The following PCDHGB2 variants were observed in gnomAD, a reference collection of about 807,000 sequenced individuals.
PCDHGB2 encodes the protein protocadherin gamma subfamily B, 2, also known as protocadherin gamma-B2.
PCDHGB2 carries 55 observed loss-of-function variants against 59.3 expected under a neutral mutation model. That is an observed-to-expected ratio of 0.93 (90% CI 0.75 to 1.16). The LOEUF (loss-of-function observed/expected upper bound fraction) is 1.16, where lower values mean the gene tolerates loss of function less well. PCDHGB2 is among the 50% of genes most tolerant of loss of function. The pLI is 0.00. For missense variants in PCDHGB2, 1,228 were observed against 1,198.5 expected (o/e 1.02, Z -0.36); for synonymous variants, 516 against 512.0 (o/e 1.01, Z -0.11).
At position 141,410,774 on chromosome 5, in the gene PCDHGB2, C is replaced by T; in HGVS notation, c.2421+48218C>T. 4 of 955,126 alleles carry T rather than the reference C, an allele frequency of 4.2e-6. No individual in the cohort carries two copies. The South Asian group carries it at 6.1e-5, about 15-fold the overall frequency. The allele number at this position is 955,126 out of a possible 1,614,324, so 59.2% of individuals were successfully genotyped here. ...AATGTTTTTTCAATTATAGTTTTCA[C>T]TATGTATTTGGTTCATAAGTTGCTC... On this transcript the variant is annotated intron_variant, in intron 1 of 3. Coordinates refer to ENST00000522605, the MANE Select transcript of PCDHGB2 (RefSeq NM_018923.3).
Position 141,362,177 on chromosome 5 carries a change from C to T in PCDHGB2, c.2042C>T (p.Pro681Leu), listed in dbSNP as rs757621451. Residue 681 changes from proline to leucine, a missense_variant, in exon 1 of 4, where the codon CCC (proline) becomes CTC (leucine). By Grantham distance (98) the Pro-to-Leu change is moderately conservative. This residue lies in a region of PCDHGB2 where 433 missense variants were observed against 441.8 expected (regional missense o/e 0.98). Coordinates refer to ENST00000522605, the MANE Select transcript of PCDHGB2 (RefSeq NM_018923.3). ...CCAGACCTCAGCGACCGCCGGGAGC[C>T]CTCTGACCCCCAGGCAAAACTGCAG... is the stretch of plus-strand genomic sequence containing the variant. ...VLPDLSDRRE[P>L]SDPQAKLQFY... is the part of the protein sequence containing the mutation. 1.9e-6 allele frequency: 3 copies of T among 1,613,916 alleles called. No individual in the cohort carries two copies. The highest frequency in any genetic ancestry group is 2.5e-6 in the Non-Finnish European group (3 of 1,179,914).
chr5:141,394,795 C>T (rs543209610), intron 1 of PCDHGB2: 1 of 1,613,676 alleles, frequency 6.2e-7, no homozygotes, highest in Non-Finnish European at 8.5e-7. Context: ...GTCACGCTCA[C>T]CGTAGCCGTG....
Position 141,421,984 on chromosome 5 carries a change from C to G in PCDHGB2, c.2421+59428C>G, listed in dbSNP as rs201871921. On this transcript the variant is annotated intron_variant, in intron 1 of 3. Transcript: ENST00000522605. ...ACAGTCCGTATATCGCGTGAGTGTT[C>G]CAGAAAACATCAGCTCCGGAACTCG... 21 of 1,608,770 alleles carry G rather than the reference C, an allele frequency of 1.3e-5. No homozygotes were observed. In the Admixed American group the frequency reaches 2.4e-4, roughly 18 times the overall value.
intron 1 of PCDHGB2, among the ~76,000 whole-genome samples, chr5:141,402,461 C>T (rs892900332): frequency 6.6e-6 from 1 of 151,994 alleles, no homozygotes; most frequent in Non-Finnish European, 1.5e-5. Context: ...GTTTACATAT[C>T]TAGAAATAGA....
At chr5:141,469,629 C>T (rs933972587) in intron 1 of PCDHGB2, among the ~76,000 whole-genome samples, 1 of 152,070 alleles carries the variant, frequency 6.6e-6, no homozygotes, top group Admixed American at 6.6e-5. Context: ...GTTTGTAGTT[C>T]CAAAATATTT....
Position 141,361,662 on chromosome 5 carries a change from G to A in PCDHGB2, c.1527G>A (p.Ala509=), listed in dbSNP as rs377204571. The change falls in exon 1 of 4, where the codon GCG becomes GCA. Residue 509 remains alanine, a synonymous_variant. Coordinates refer to ENST00000522605, the MANE Select transcript of PCDHGB2 (RefSeq NM_018923.3). ...TTTTATCCTACGTGTCCGTGAGCGC[G>A]CAGAGCGGGGTGGTGTTCGCGCAGC... ...REILSYVSVS[A]QSGVVFAQRA... is the part of the protein sequence containing the mutation. The A allele has an allele frequency of 1.9e-6, 3 of 1,613,714 alleles. No individual in the cohort carries two copies. The highest frequency in any genetic ancestry group is 2.5e-6 in the Non-Finnish European group (3 of 1,179,904).
At position 141,423,255 on chromosome 5, in the gene PCDHGB2, C is replaced by T. The variant is rs368969800; in HGVS notation, c.2421+60699C>T. ...GCATCCCCGAAGTCCTGGCGGACCT[C>T]GGCAGCCTCGAGTCTCTGGCTAACT... On this transcript the variant is annotated intron_variant, in intron 1 of 3. Transcript: ENST00000522605. 2.0e-5 allele frequency: 33 copies of T among 1,613,930 alleles called. No homozygotes were observed. In the East Asian group the frequency reaches 3.8e-4, roughly 19 times the overall value.
chr5:141,389,894 G>A (rs754241365), intron 1 of PCDHGB2: 56 of 1,613,970 alleles, frequency 3.5e-5, no homozygotes, highest in Non-Finnish European at 4.7e-5. Flanking sequence ...AGGAGGTGCT[G>A]CCGGATATCA....
At chr5:141,377,317 T>C (rs1355098405) in intron 1 of PCDHGB2, 3 of 152,140 alleles carry the variant, frequency 2.0e-5, no homozygotes, top group African/African-American at 7.2e-5. Context: ...GATCAAGATC[T>C]TGGTTTTAGC....
intron 1 of PCDHGB2, chr5:141,407,933 TG>T: frequency 2.0e-6 from 1 of 505,054 alleles, no homozygotes; most frequent in Non-Finnish European, 3.4e-6. Flanking sequence ...ACGGAGCCTC[TG>T]GGCGCCGCTG....
rs746838072 is a variant in PCDHGB2 at position 141,486,116 on chromosome 5, T to A, written c.2422-8691T>A. ...GCCCCTAGACTTTGAGAGTGAGAATTACTATGAATTTGATGTGCGGGCTCG... is the reference window on the plus strand; with the variant it reads ...GCCCCTAGACTTTGAGAGTGAGAATAACTATGAATTTGATGTGCGGGCTCG... On this transcript the variant is annotated intron_variant, in intron 1 of 3. Coordinates refer to ENST00000522605, the MANE Select transcript of PCDHGB2 (RefSeq NM_018923.3). This position sits in a 1 kb window ranked among gnomAD's most constrained non-coding sequence, Gnocchi z 5.0. 1.1e-5 allele frequency: 17 copies of A among 1,613,638 alleles called. No homozygotes were observed. Among genetic ancestry groups the A allele is most frequent in the Non-Finnish European group, 1.4e-5 (17 of 1,179,610 alleles).
Position 141,485,465 on chromosome 5 carries a change from C to T in PCDHGB2, c.2422-9342C>T. ...AATCGACCGAGAGGCACTGTGTGGG[C>T]TCAGTGCCAGCTGCATCGTGCCCCT... On this transcript the variant is annotated intron_variant, in intron 1 of 3. Coordinates refer to ENST00000522605, the MANE Select transcript of PCDHGB2 (RefSeq NM_018923.3). This position sits in a 1 kb window ranked among gnomAD's most constrained non-coding sequence, Gnocchi z 5.7. 6.2e-7 allele frequency: 1 copy of T among 1,614,162 alleles called. No homozygotes were observed.
rs202006594 is a variant in PCDHGB2 at position 141,477,618 on chromosome 5, C to G, written c.2422-17189C>G. On this transcript the variant is annotated intron_variant, in intron 1 of 3. Coordinates refer to ENST00000522605, the MANE Select transcript of PCDHGB2 (RefSeq NM_018923.3). The surrounding 1 kb of genome is among the most constrained non-coding windows in gnomAD (Gnocchi z 4.9). ...TCTTTCTTTCTCTTGGAGCAAGGAGCTGAAACCGGGCTAGTGGGTCGCTAT... is the reference window on the plus strand; with the variant it reads ...TCTTTCTTTCTCTTGGAGCAAGGAGGTGAAACCGGGCTAGTGGGTCGCTAT... 6.2e-7 allele frequency: 1 copy of G among 1,614,176 alleles called. No individual in the cohort carries two copies. Among genetic ancestry groups the G allele is most frequent in the East Asian group, 2.2e-5 (1 of 44,890 alleles).
intron 1 of PCDHGB2, chr5:141,393,785 G>A (rs753963995): frequency 6.2e-7 from 1 of 1,613,922 alleles, no homozygotes; most frequent in Non-Finnish European, 8.5e-7. Context: ...CCGAAGATGT[G>A]GGGGCACTTC....
intron 1 of PCDHGB2, chr5:141,398,687 A>T (rs940121215): frequency 1.9e-6 from 3 of 1,613,940 alleles, no homozygotes; most frequent in Non-Finnish European, 2.5e-6. Context: ...GAGAAACAGG[A>T]TGGTAGTAAA....
chr5:141,476,328 G>C lies in PCDHGB2; in HGVS notation c.2422-18479G>C, dbSNP rs1381722714. On this transcript the variant is annotated intron_variant, in intron 1 of 3. Coordinates refer to ENST00000522605, the MANE Select transcript of PCDHGB2 (RefSeq NM_018923.3). This position sits in a 1 kb window ranked among gnomAD's most constrained non-coding sequence, Gnocchi z 7.6. Reference sequence around the variant, plus strand: ...GCCCGCAGGTTCCGGGTGGTGTCTGGAGCTAGCCGAAGATTCTTTGAGGTG... The same window carrying C: ...GCCCGCAGGTTCCGGGTGGTGTCTGCAGCTAGCCGAAGATTCTTTGAGGTG... 1 of 1,614,176 alleles carries C rather than the reference G, an allele frequency of 6.2e-7. No individual in the cohort carries two copies. Among genetic ancestry groups the C allele is most frequent in the East Asian group, 2.2e-5 (1 of 44,864 alleles).
intron 1 of PCDHGB2, chr5:141,383,160 G>T (rs770719921): frequency 1.9e-6 from 3 of 1,613,316 alleles, no homozygotes; most frequent in Admixed American, 1.7e-5. Context: ...TGGTCACTGC[G>T]GGCAGGATAG....
intron 1 of PCDHGB2, chr5:141,394,289 C>G (rs191844335): frequency 2.5e-6 from 4 of 1,613,954 alleles, no homozygotes; most frequent in Admixed American, 1.7e-5. Context: ...ACTCTGTGAC[C>G]GAGGACACGC....
intron 1 of PCDHGB2, among the ~76,000 whole-genome samples, chr5:141,465,276 C>A (rs558169180): frequency 6.6e-6 from 1 of 152,254 alleles, no homozygotes; most frequent in South Asian, 2.1e-4. Context: ...CCATTTAGTT[C>A]ACCCCTAAAG....
Sources: allele counts gnomAD v4.1 joint callset (sites outside exome capture counted in the v4.1 genomes callset), GRCh38; gene constraint gnomAD v4.1.1; regional missense constraint gnomAD v4.1.1; non-coding constraint Gnocchi (gnomAD v3.1); transcripts MANE v1.5; gene names NCBI Gene and HGNC (gene_info 2026-07-23, HGNC 2026-07-21).